ACADM: variants seen among roughly 807,000 people sequenced by gnomAD.
ACADM encodes the protein medium-chain specific acyl-CoA dehydrogenase, mitochondrial.
A neutral mutation model predicts 58.9 loss-of-function variants in ACADM; 49 were observed. The ratio of observed to expected loss-of-function variants is 0.83; its 90% CI spans 0.66 to 1.06. The LOEUF (loss-of-function observed/expected upper bound fraction) is 1.06, where lower values mean the gene tolerates loss of function less well. Among genes scored for constraint, ACADM ranks in the 50% least tolerant of loss-of-function variants. The pLI is 0.00. For missense variants in ACADM, 496 were observed against 507.0 expected (o/e 0.98, Z 0.21); for synonymous variants, 160 against 157.7 (o/e 1.01, Z -0.11).
At chr1:75,728,590 A>G (rs1446483389) in intron 2 of ACADM, 102 bp downstream of exon 2, 8 of 862,300 alleles carry the variant, frequency 9.3e-6, no homozygotes, top group African/African-American at 1.7e-5. Flanking sequence ...ATGTCTTTCA[A>G]TGAGTAGAAC....
At chr1:75,745,040 A>G (rs1343455839) in intron 7 of ACADM, among the ~76,000 whole-genome samples, 1 of 152,174 alleles carries the variant, frequency 6.6e-6, no homozygotes, top group Non-Finnish European at 1.5e-5. Context: ...CCCCTAATGG[A>G]TGCCTGAAAC....
At chr1:75,734,762 GA>G (rs752556789) in intron 5 of ACADM, 28 bp from the exon 6 acceptor site, 5 of 1,544,794 alleles carry the variant, frequency 3.2e-6, no homozygotes, top group Non-Finnish European at 4.5e-6. Context: ...AAAATGACTT[GA>G]TTTTTTAATG....
At chr1:75,726,156 C>T (rs577880672) in intron 1 of ACADM, among the ~76,000 whole-genome samples, 1 of 152,294 alleles carries the variant, frequency 6.6e-6, no homozygotes, top group Admixed American at 6.5e-5. Flanking sequence ...GGTTGTGATC[C>T]TAGCACCTTG....
chr1:75,737,408 G>A (rs1220828269), intron 6 of ACADM, among the ~76,000 whole-genome samples: 1 of 147,066 alleles, frequency 6.8e-6, no homozygotes, highest in Non-Finnish European at 1.5e-5. Flanking sequence ...AAAAAAACAG[G>A]CTCATTTACT....
At chr1:75,753,831 CTA>C (rs1648343366) in intron 10 of ACADM, among the ~76,000 whole-genome samples, 1 of 104,234 alleles carries the variant, frequency 9.6e-6, no homozygotes, top group South Asian at 2.5e-4. Context: ...GGGTCTCACT[CTA>C]TTGCCCAGGC....
At chr1:75,754,994 A>G (rs1048825333) in intron 10 of ACADM, 1 of 152,440 alleles carries the variant, frequency 6.6e-6, no homozygotes, top group Admixed American at 6.5e-5. Flanking sequence ...TCCCACACCC[A>G]TGGAACCTCA....
At position 75,732,509 on chromosome 1, in the gene ACADM, A is replaced by G. The variant is rs113315275; in HGVS notation, c.119-135A>G. 2.4e-5 allele frequency: 18 copies of G among 759,432 alleles called. No homozygotes were observed. The African/African-American group carries it at 3.1e-4, about 13-fold the overall frequency. The allele number at this position is 759,432 out of a possible 1,614,324, so 47.0% of individuals were successfully genotyped here. On this transcript the variant is annotated intron_variant, in intron 2 of 11. Coordinates refer to ENST00000370841, the MANE Select transcript of ACADM (RefSeq NM_000016.6). ...TGTAGTGAACTCTTGATTAGTCAAA[A>G]AATGCACTGTAGTCTGAGTTTCTGA...
intron 6 of ACADM, among the ~76,000 whole-genome samples, chr1:75,739,714 G>A (rs1379942697): frequency 1.3e-5 from 2 of 152,118 alleles, no homozygotes; most frequent in South Asian, 4.1e-4. Flanking sequence ...GGCTGAGGCG[G>A]GAGGATTTCC....
Position 75,761,672 on chromosome 1 carries a change from G to A in ACADM, c.1194+302G>A, listed in dbSNP as rs1648869875. ...TAACCCAAACTTTTCTCTCCAAAAA[G>A]TATGCATGTCATTTAAAATTAATTA... On this transcript the variant is annotated intron_variant, in intron 11 of 11. Transcript: ENST00000370841. 1.7e-5 allele frequency: 6 copies of A among 345,424 alleles called. No individual in the cohort carries two copies. In the South Asian group the frequency reaches 1.7e-4, roughly 10 times the overall value. 21.4% of individuals were successfully genotyped at this position (345,424 alleles called of 1,614,324 possible).
intron 8 of ACADM, among the ~76,000 whole-genome samples, chr1:75,746,385 A>T (rs1647902371): frequency 1.3e-5 from 2 of 152,162 alleles, no homozygotes; most frequent in Admixed American, 1.3e-4. Context: ...GAGTGTAGAA[A>T]ATAGCAAATA....
intron 2 of ACADM, among the ~76,000 whole-genome samples, chr1:75,730,092 G>A (rs917240982): frequency 5.3e-4 from 81 of 151,638 alleles, no homozygotes; most frequent in African/African-American, 1.8e-3. Flanking sequence ...ATGAGGTTTC[G>A]CCATGTTGGC....
intron 10 of ACADM, among the ~76,000 whole-genome samples, chr1:75,756,722 A>G (rs531402352): frequency 6.6e-6 from 1 of 152,354 alleles, no homozygotes; most frequent in South Asian, 2.1e-4. Context: ...TTTAAAGTTC[A>G]TATGGAACCA....
chr1:75,758,680 CCAAT>C (rs1434603834), intron 10 of ACADM, among the ~76,000 whole-genome samples: 1 of 152,132 alleles, frequency 6.6e-6, no homozygotes, highest in African/African-American at 2.4e-5. Context: ...TAAAAATGCA[CCAAT>C]CAGTGCTGTG....
chr1:75,731,091 G>A (rs1276221973), intron 2 of ACADM, among the ~76,000 whole-genome samples: 3 of 151,604 alleles, frequency 2.0e-5, no homozygotes. Flanking sequence ...TCGAGATCCT[G>A]GTGAAACCCC....
At chr1:75,737,409 C>T (rs1012478575) in intron 6 of ACADM, among the ~76,000 whole-genome samples, 1 of 148,940 alleles carries the variant, frequency 6.7e-6, no homozygotes, top group Non-Finnish European at 1.5e-5. Flanking sequence ...AAAAAACAGG[C>T]TCATTTACTT....
At chr1:75,758,031 TAGGA>T (rs1648607279) in intron 10 of ACADM, among the ~76,000 whole-genome samples, 2 of 152,166 alleles carry the variant, frequency 1.3e-5, no homozygotes, top group African/African-American at 4.8e-5. Flanking sequence ...ACCAGTTTAT[TAGGA>T]AGGATATCTA....
intron 2 of ACADM, among the ~76,000 whole-genome samples, chr1:75,731,921 A>G (rs1647155471): frequency 6.6e-6 from 1 of 152,138 alleles, no homozygotes; most frequent in African/African-American, 2.4e-5. Context: ...GGAGGCCAAG[A>G]TGGGAGAATC....
chr1:75,728,196 T>A (rs1160639615), intron 1 of ACADM, among the ~76,000 whole-genome samples: 1 of 152,178 alleles, frequency 6.6e-6, no homozygotes, highest in African/African-American at 2.4e-5. Flanking sequence ...CATTACTTTT[T>A]AAAAACATCT....
At chr1:75,742,422 G>A (rs1647629093) in intron 7 of ACADM, among the ~76,000 whole-genome samples, 1 of 152,180 alleles carries the variant, frequency 6.6e-6, no homozygotes, top group Admixed American at 6.5e-5. Context: ...GTCCTGCAGA[G>A]GAAGAGACAA....
Sources: allele counts gnomAD v4.1 joint callset (sites outside exome capture counted in the v4.1 genomes callset), GRCh38; gene constraint gnomAD v4.1.1; transcripts MANE v1.5; gene names NCBI Gene and HGNC (gene_info 2026-07-23, HGNC 2026-07-21).